Variants in LAMA3 observed in about 807,000 individuals in gnomAD.
The protein encoded by LAMA3 is laminin subunit alpha 3.
LAMA3 carries 281 observed loss-of-function variants against 402.0 expected under a neutral mutation model. The observed-to-expected ratio is 0.70, with a 90% CI of 0.63 to 0.77. The LOEUF (loss-of-function observed/expected upper bound fraction) is 0.77. LAMA3 is among the 30% of genes least tolerant of loss of function. LAMA3 has a pLI of 0.00. For synonymous variants in LAMA3, 1,431 were observed against 1,558.4 expected (o/e 0.92, Z 1.93); for missense variants, 3,840 against 4,215.5 (o/e 0.91, Z 2.47).
At chr18:23,885,620 T>C (rs1206110851) in intron 41 of LAMA3, among the ~76,000 whole-genome samples, 1 of 152,028 alleles carries the variant, frequency 6.6e-6, no homozygotes, top group Non-Finnish European at 1.5e-5. Context: ...GAGAAAGATA[T>C]AAAAGATACT....
At chr18:23,813,154 T>C (rs1462440720) in intron 14 of LAMA3, 51 bp downstream of exon 14, 4 of 1,256,814 alleles carry the variant, frequency 3.2e-6, no homozygotes, top group East Asian at 2.3e-5. Flanking sequence ...ATTATTCTCA[T>C]GCATATTAAG....
At chr18:23,931,317 C>A in intron 65 of LAMA3, 116 bp downstream of exon 65, 1 of 842,636 alleles carries the variant, frequency 1.2e-6, no homozygotes, top group South Asian at 1.4e-5. Flanking sequence ...AAATACTTCA[C>A]TAATAAGTCT....
chr18:23,854,085 G>A (rs1450872732), intron 32 of LAMA3, among the ~76,000 whole-genome samples: 2 of 152,230 alleles, frequency 1.3e-5, no homozygotes, highest in Non-Finnish European at 2.9e-5. Context: ...TCCTCCCTCT[G>A]CTCTGTTGGC....
At chr18:23,756,232 G>A (rs746691393) in intron 6 of LAMA3, among the ~76,000 whole-genome samples, 2 of 152,086 alleles carry the variant, frequency 1.3e-5, no homozygotes, top group African/African-American at 4.8e-5. Context: ...TATATGCCAC[G>A]CCACCTTCCC....
At chr18:23,905,393 C>T (rs986052368) in intron 51 of LAMA3, 129 bp from the exon 52 acceptor site, 1 of 634,098 alleles carries the variant, frequency 1.6e-6, no homozygotes, top group Non-Finnish European at 2.9e-6. Context: ...AGGGAACAAT[C>T]TAGTTATAAC....
chr18:23,826,730 A>G lies in LAMA3; in HGVS notation c.2600A>G (p.Tyr867Cys). 6.4e-7 allele frequency: 1 copy of G among 1,563,644 alleles called. No individual in the cohort carries two copies. Among genetic ancestry groups the G allele is most frequent in the Admixed American group, 1.9e-5 (1 of 52,352 alleles). ...TACCTGGTGCTGCTCCCCAGGGACT[A>G]CTATGAAGCCTCTGTACTGCAGCTG... ...LDYLVLLPRDYYEASVLQLPV... is the reference protein window; with the variant it reads ...LDYLVLLPRDCYEASVLQLPV... Residue 867 changes from tyrosine to cysteine, a missense_variant, in exon 22 of 75, where the codon TAC becomes TGC. By Grantham distance (194) the Tyr-to-Cys change is radical. Transcript: ENST00000313654.
chr18:23,845,950 T>A (rs1223464489), intron 30 of LAMA3, among the ~76,000 whole-genome samples: 2 of 152,206 alleles, frequency 1.3e-5, no homozygotes, highest in Non-Finnish European at 2.9e-5. Context: ...TTTTATTAGT[T>A]GTATTATTAT....
chr18:23,800,077 C>G (rs946670537), intron 12 of LAMA3, among the ~76,000 whole-genome samples: 22 of 152,212 alleles, frequency 1.4e-4, no homozygotes, highest in African/African-American at 5.3e-4. Flanking sequence ...ATCTGGGCAT[C>G]GTAGCCTAGT....
chr18:23,724,892 C>T (rs974893832), intron 2 of LAMA3, among the ~76,000 whole-genome samples: 1 of 152,160 alleles, frequency 6.6e-6, no homozygotes, highest in African/African-American at 2.4e-5. Flanking sequence ...CCCACAGAGC[C>T]CTTGCTCCTT....
chr18:23,731,423 C>T (rs747856109), intron 2 of LAMA3, among the ~76,000 whole-genome samples: 2 of 152,176 alleles, frequency 1.3e-5, no homozygotes, highest in Non-Finnish European at 2.9e-5. Flanking sequence ...CTTTGGAGGA[C>T]AGCTGGGGAC....
At chr18:23,709,059 T>G (rs1194277292) in intron 1 of LAMA3, among the ~76,000 whole-genome samples, 9 of 146,938 alleles carry the variant, frequency 6.1e-5, no homozygotes, top group Admixed American at 1.3e-4. Flanking sequence ...CTGGCTTCAT[T>G]TGGAGGTTTT....
chr18:23,725,837 T>A (rs1273458868), intron 2 of LAMA3, among the ~76,000 whole-genome samples: 8 of 152,272 alleles, frequency 5.3e-5, no homozygotes, highest in Admixed American at 1.3e-4. Context: ...ACTTCTGAGC[T>A]GTTGCACTTC....
intron 24 of LAMA3, 125 bp downstream of exon 24, chr18:23,834,113 G>A: frequency 1.4e-5 from 15 of 1,107,032 alleles, no homozygotes; most frequent in Non-Finnish European, 2.7e-6. Context: ...AAAACAAGCA[G>A]GTGACTAGTT....
At chr18:23,899,559 T>G in intron 47 of LAMA3, 104 bp downstream of exon 47, 1 of 1,174,870 alleles carries the variant, frequency 8.5e-7, no homozygotes. Context: ...GAAGGCCTCA[T>G]GGTTTCAGCG....
intron 2 of LAMA3, among the ~76,000 whole-genome samples, chr18:23,725,461 A>G (rs2061283807): frequency 6.6e-6 from 1 of 152,184 alleles, no homozygotes. Flanking sequence ...GGAGGGTGCC[A>G]TGCTGTGTCC....
At chr18:23,722,592 A>G (rs2061233798) in intron 2 of LAMA3, among the ~76,000 whole-genome samples, 1 of 152,202 alleles carries the variant, frequency 6.6e-6, no homozygotes, top group African/African-American at 2.4e-5. Context: ...TAAAACTAGC[A>G]CCACAAATAT....
chr18:23,857,890 G>C lies in LAMA3; in HGVS notation c.4183G>C (p.Gly1395Arg), dbSNP rs776102211. The C allele has an allele frequency of 6.2e-7, 1 of 1,614,242 alleles. No homozygotes were observed. Among genetic ancestry groups the C allele is most frequent in the Non-Finnish European group, 8.5e-7 (1 of 1,180,036 alleles). Residue 1395 changes from glycine to arginine, a missense_variant, in exon 33 of 75, where the codon GGG (glycine) becomes CGG (arginine). Gly to Arg is a moderately radical substitution (Grantham distance 125). Transcript: ENST00000313654. The part of the protein sequence containing the change: ...TGRQCDRCAS[G>R]FYRFPECVPC... ...GCGGCAGTGTGACCGATGTGCTTCC[G>C]GGTTTTACCGCTTTCCTGAGTGTGT...
chr18:23,699,056 A>AG (rs2060742839), intron 1 of LAMA3, among the ~76,000 whole-genome samples: 2 of 140,894 alleles, frequency 1.4e-5, no homozygotes, highest in African/African-American at 5.9e-5. Flanking sequence ...GAGAGAGAGA[A>AG]AGAAAAGAAA....
At chr18:23,713,328 C>T (rs1405727946) in intron 1 of LAMA3, among the ~76,000 whole-genome samples, 1 of 152,202 alleles carries the variant, frequency 6.6e-6, no homozygotes, top group Non-Finnish European at 1.5e-5. Flanking sequence ...CCTGTTTGTG[C>T]TCACTGCCAC....
Sources: allele counts gnomAD v4.1 joint callset (sites outside exome capture counted in the v4.1 genomes callset), GRCh38; gene constraint gnomAD v4.1.1; transcripts MANE v1.5; gene names NCBI Gene and HGNC (gene_info 2026-07-23, HGNC 2026-07-21).